CFAP97: variants seen among roughly 807,000 people sequenced by gnomAD.
The protein encoded by CFAP97 is cilia- and flagella-associated protein 97.
Under a neutral mutation model 43.1 loss-of-function variants are expected in CFAP97, and 36 were observed. The observed-to-expected ratio is 0.84, with a 90% CI of 0.64 to 1.10. The LOEUF is 1.10. Among genes scored for constraint, CFAP97 ranks in the 50% least tolerant of loss-of-function variants. The pLI is 0.00. For missense variants in CFAP97, 657 were observed against 620.3 expected, an observed-to-expected ratio of 1.06 and a Z score of -0.63; for synonymous variants, 228 against 225.7, an observed-to-expected ratio of 1.01 and a Z score of -0.09.
chr4:185,166,027 G>C (rs142596357), intron 3 of CFAP97, among the ~76,000 whole-genome samples: 1 of 152,302 alleles, frequency 6.6e-6, no homozygotes, highest in African/African-American at 2.4e-5. Context: ...GAACCACTGA[G>C]AACATCTTTA....
Position 185,162,487 on chromosome 4 carries a change from C to T in CFAP97, c.*311G>A, listed in dbSNP as rs4052700. On this transcript the variant is annotated 3_prime_UTR_variant, in exon 5 of 5. Coordinates refer to ENST00000458385, the MANE Select transcript of CFAP97 (RefSeq NM_020827.3). ...AAAACTATAGTGACCATCTTGGGTA[C>T]GACATGCAATGATACTATCACTACT... 6.3e-3 allele frequency: 1,881 copies of T among 299,496 alleles called. 76 individuals are homozygous for T. The highest frequency in any genetic ancestry group is 0.05 in the South Asian group (1,530 of 30,832). The allele number at this position is 299,496 out of a possible 1,614,324, so 18.6% of individuals were successfully genotyped here. A position where few individuals can be genotyped will look rare whatever the true frequency, so the allele number is the denominator to read the frequency against.
chr4:185,163,144 A>C (rs1734932857), intron 4 of CFAP97, among the ~76,000 whole-genome samples: 1 of 152,228 alleles, frequency 6.6e-6, no homozygotes, highest in South Asian at 2.1e-4. Flanking sequence ...GTGGAAAACA[A>C]ACATTTTTAA....
intron 1 of CFAP97, among the ~76,000 whole-genome samples, chr4:185,192,762 A>T (rs59041930): frequency 1.8e-5 from 2 of 114,046 alleles, no homozygotes; most frequent in African/African-American, 3.8e-5. Flanking sequence ...TTTTTTTGAG[A>T]CGGAGTCTCG....
chr4:185,174,629 C>T (rs537121817), intron 3 of CFAP97, among the ~76,000 whole-genome samples: 3 of 152,224 alleles, frequency 2.0e-5, no homozygotes, highest in South Asian at 2.1e-4. Context: ...TCTGAGTTTA[C>T]GTGTTCATTA....
upstream of CFAP97, among the ~76,000 whole-genome samples, chr4:185,205,398 G>T (rs982974476): frequency 6.6e-6 from 1 of 151,818 alleles, no homozygotes; most frequent in East Asian, 1.9e-4. Flanking sequence ...AGGTTGCAGC[G>T]AGCCGAGATC....
At chr4:185,170,643 A>G (rs1735261379) in intron 3 of CFAP97, among the ~76,000 whole-genome samples, 2 of 151,280 alleles carry the variant, frequency 1.3e-5, no homozygotes, top group Admixed American at 6.6e-5. Context: ...CCAACTCCTG[A>G]CCTCAGGTGA....
chr4:185,205,850 G>A (rs988638885), upstream of CFAP97, among the ~76,000 whole-genome samples: 1 of 152,096 alleles, frequency 6.6e-6, no homozygotes, highest in African/African-American at 2.4e-5. Context: ...ACAAACTGTG[G>A]TCAAAAGTTT....
chr4:185,163,933 T>C, intron 4 of CFAP97, 96 bp downstream of exon 4: 3 of 1,063,854 alleles, frequency 2.8e-6, no homozygotes, highest in South Asian at 1.6e-5. Flanking sequence ...CATTCCAGAG[T>C]TGGCATTTAA....
intron 2 of CFAP97, among the ~76,000 whole-genome samples, chr4:185,182,837 T>C (rs756930646): frequency 2.0e-5 from 3 of 151,974 alleles, no homozygotes; most frequent in Non-Finnish European, 2.9e-5. Flanking sequence ...TGGTGGCTCA[T>C]GCCTGTAATC....
In CFAP97 at chr4:185,164,112, T is replaced by C; in HGVS notation, c.1388A>G (p.Asp463Gly). ...VGMKRSEQLMDYHRNMGYLNS... is the reference protein window; with the variant it reads ...VGMKRSEQLMGYHRNMGYLNS... ...GAGATAGCCCATATTGCGATGATAG[T>C]CCATCAGTTGTTCTGAACGTTTCAT... The change falls in exon 4 of 5, where the codon GAC becomes GGC. Residue 463 changes from aspartate to glycine, a missense_variant. Asp to Gly is a moderately conservative substitution (Grantham distance 94). Transcript: ENST00000458385. The C allele has an allele frequency of 6.2e-7, 1 of 1,613,980 alleles. No homozygotes were observed. Among genetic ancestry groups the C allele is most frequent in the Non-Finnish European group, 8.5e-7 (1 of 1,179,848 alleles).
At position 185,176,109 on chromosome 4, in the gene CFAP97, C is replaced by CTTTTGT. The variant is rs1553970911; in HGVS notation, c.1055-59_1055-58insACAAAA. Reference sequence around the variant, plus strand: ...GGCCAAAGTAAGTATGTGGTACATGCTTTTTTTTTTTTTCTCTTTTTAGAC... The same window carrying CTTTTGT: ...GGCCAAAGTAAGTATGTGGTACATGCTTTTGTTTTTTTTTTTTTTCTCTTTTTAGAC... On this transcript the variant is annotated intron_variant, in intron 2 of 4. Transcript: ENST00000458385. 2.5e-3 allele frequency: 2,594 copies of CTTTTGT among 1,032,052 alleles called. 7 individuals are homozygous for CTTTTGT. Among genetic ancestry groups the CTTTTGT allele is most frequent in the African/African-American group, 0.011 (627 of 54,830 alleles). The allele number at this position is 1,032,052 out of a possible 1,614,324, so 63.9% of individuals were successfully genotyped here.
chr4:185,209,567 C>G (rs758869432), upstream of CFAP97: 1 of 255,030 alleles, frequency 3.9e-6, no homozygotes, highest in East Asian at 1.8e-4. The surrounding 1 kb of genome is among the most constrained non-coding windows in gnomAD (Gnocchi z 5.2). Flanking sequence ...AGGGCGGCCC[C>G]GCCCCGCCCG....
chr4:185,181,207 C>A (rs764224660), intron 2 of CFAP97, among the ~76,000 whole-genome samples: 1 of 149,568 alleles, frequency 6.7e-6, no homozygotes, highest in African/African-American at 2.5e-5. Flanking sequence ...ACCAGGAAGG[C>A]GGAGGTTGCA....
chr4:185,181,250 A>G (rs992605714), intron 2 of CFAP97, among the ~76,000 whole-genome samples: 52 of 146,806 alleles, frequency 3.5e-4, no homozygotes, highest in African/African-American at 1.2e-3. Flanking sequence ...ACAGAGCGAG[A>G]CTCCGTCTCA....
Position 185,162,805 on chromosome 4 carries a change from C to T in CFAP97, c.1592G>A (p.Trp531Ter), listed in dbSNP as rs1469404591. 6.2e-7 allele frequency: 1 copy of T among 1,612,708 alleles called. No individual in the cohort carries two copies. ...RPKPPNVRTA[W>*]L ...TTAAAGTAAAAAAGTGTTTTATAAC[C>T]AAGCTGTACGGACATTAGGGGGTTT... The change falls in exon 5 of 5, where the codon TGG (tryptophan) becomes TAG (stop). Residue 531 changes from tryptophan to a stop codon, truncating the protein, a stop_gained. Transcript: ENST00000458385. LOFTEE classifies it high-confidence loss of function.
At chr4:185,210,115 T>C (rs570344565), upstream of CFAP97, 1,061 of 984,100 alleles carry the variant, frequency 1.1e-3, 13 homozygotes, top group African/African-American at 0.018. The surrounding 1 kb of genome is among the most constrained non-coding windows in gnomAD (Gnocchi z 4.4). Flanking sequence ...GCTCAGCCTG[T>C]ACCTGAGCTG....
In CFAP97 at chr4:185,174,498, G is replaced by A. The variant is rs186458166; in HGVS notation, c.1320+1288C>T. Among the ~76,000 whole-genome samples the A allele has an allele frequency of 2.0e-5, 3 of 152,296 alleles. No individual in the cohort carries two copies. The East Asian group carries it at 5.8e-4, about 29-fold the overall frequency. On this transcript the variant is annotated intron_variant, in intron 3 of 4. Coordinates refer to ENST00000458385, the MANE Select transcript of CFAP97 (RefSeq NM_020827.3). ...TATGATAATAAAGAAATGTACAAAAGAGTTGTTACAAGTTTAGGTAAGTAT... is the reference window on the plus strand; with the variant it reads ...TATGATAATAAAGAAATGTACAAAAAAGTTGTTACAAGTTTAGGTAAGTAT...
At chr4:185,192,840 A>C (rs555913053) in intron 1 of CFAP97, among the ~76,000 whole-genome samples, 1 of 143,800 alleles carries the variant, frequency 7.0e-6, no homozygotes, top group South Asian at 2.2e-4. Context: ...TCCCGGGTTC[A>C]CGCCATTCTC....
chr4:185,166,258 T>A lies in CFAP97; in HGVS notation c.1321-2079A>T, dbSNP rs74769949. Among the ~76,000 whole-genome samples, 7 of 152,174 alleles carry A rather than the reference T, an allele frequency of 4.6e-5. No homozygotes were observed. The South Asian group carries it at 1.2e-3, about 27-fold the overall frequency. ...CATTGTGGACAGAGAAGCAGTGTGA[T>A]GTAGGTGTCCAAACCTCCTGAAATC... On this transcript the variant is annotated intron_variant, in intron 3 of 4. Coordinates refer to ENST00000458385, the MANE Select transcript of CFAP97 (RefSeq NM_020827.3).
Sources: gnomAD v4.1 joint callset for allele counts (sites outside exome capture counted in the v4.1 genomes callset) on GRCh38, gnomAD v4.1.1 for gene constraint, Gnocchi (gnomAD v3.1) non-coding constraint, MANE v1.5 for transcripts, NCBI Gene and HGNC (gene_info 2026-07-23, HGNC 2026-07-21) for gene names.